The following ALCAM variants were observed in gnomAD, a reference collection of about 807,000 sequenced individuals.
ALCAM encodes activated leukocyte cell adhesion molecule, also known as CD166 antigen.
A neutral mutation model predicts 70.9 loss-of-function variants in ALCAM; 30 were observed. That is an observed-to-expected ratio of 0.42 (90% CI 0.32 to 0.57). The LOEUF is 0.57. Among genes scored for constraint, ALCAM ranks in the 20% least tolerant of loss-of-function variants. The probability of loss-of-function intolerance (pLI) is 0.11; values close to 1 mark genes in which losing one functional copy is unlikely to be tolerated. For synonymous variants in ALCAM, 249 were observed against 242.5 expected (o/e 1.03, Z -0.25); for missense variants, 591 against 695.1 (o/e 0.85, Z 1.68).
chr3:105,487,835 T>C (rs1576196062), intron 1 of ALCAM, among the ~76,000 whole-genome samples: 1 of 152,048 alleles, frequency 6.6e-6, no homozygotes, highest in Admixed American at 6.6e-5. Flanking sequence ...AGGTTGCTGG[T>C]TTAAGAAGAG....
intron 1 of ALCAM, among the ~76,000 whole-genome samples, chr3:105,375,591 A>G (rs957484766): frequency 1.3e-5 from 2 of 152,178 alleles, no homozygotes; most frequent in African/African-American, 4.8e-5. Flanking sequence ...CTCAGATGCC[A>G]AGGGAATAAT....
At chr3:105,470,164 T>C (rs1057436767) in intron 1 of ALCAM, among the ~76,000 whole-genome samples, 46 of 122,666 alleles carry the variant, frequency 3.8e-4, no homozygotes, top group Non-Finnish European at 7.7e-4. Flanking sequence ...CACACACACA[T>C]ATTAGCATGG....
chr3:105,464,445 A>G (rs1278345050), intron 1 of ALCAM, among the ~76,000 whole-genome samples: 1 of 151,258 alleles, frequency 6.6e-6, no homozygotes, highest in African/African-American at 2.4e-5. Context: ...CTCAGTCCAC[A>G]AAGAGATTGT....
chr3:105,487,535 A>C (rs1449121609), intron 1 of ALCAM, among the ~76,000 whole-genome samples: 1 of 152,214 alleles, frequency 6.6e-6, no homozygotes, highest in Non-Finnish European at 1.5e-5. Flanking sequence ...GAATAGAGAA[A>C]AAAAATGAAA....
At chr3:105,409,510 G>T (rs1483445831) in intron 1 of ALCAM, among the ~76,000 whole-genome samples, 1 of 151,972 alleles carries the variant, frequency 6.6e-6, no homozygotes, top group Admixed American at 6.6e-5. Flanking sequence ...AAGCTATAAG[G>T]GTGCAAAGGC....
intron 14 of ALCAM, among the ~76,000 whole-genome samples, chr3:105,564,266 G>A (rs74594570): frequency 3.3e-3 from 505 of 152,258 alleles, no homozygotes; most frequent in African/African-American, 0.011. Context: ...ATGTAAGAAG[G>A]TAACAAGCAT....
At position 105,367,492 on chromosome 3, in the gene ALCAM, G is replaced by A. The variant is rs1484945120; in HGVS notation, c.73+11G>A. ...CCGTCTTCAGGCCAGGTGAGCAAGG[G>A]CCTGGGAGCAGCCCCAGACAGACGT... On this transcript the variant is annotated intron_variant, in intron 1 of 15. Transcript: ENST00000306107. 4 of 1,613,934 alleles carry A rather than the reference G, an allele frequency of 2.5e-6. No individual in the cohort carries two copies. Among genetic ancestry groups the A allele is most frequent in the Admixed American group, 1.7e-5 (1 of 60,006 alleles).
At chr3:105,439,628 T>C (rs1171417890) in intron 1 of ALCAM, 1 of 152,216 alleles carries the variant, frequency 6.6e-6, no homozygotes, top group East Asian at 1.9e-4. Flanking sequence ...ATATGAAATT[T>C]TGAAGTTCTA....
At chr3:105,528,303 A>G (rs980363184) in intron 3 of ALCAM, among the ~76,000 whole-genome samples, 5 of 152,166 alleles carry the variant, frequency 3.3e-5, no homozygotes, top group African/African-American at 1.2e-4. Context: ...TTTGAAGGCT[A>G]ATGTTCATAG....
chr3:105,523,556 G>A (rs1939610209), intron 2 of ALCAM, among the ~76,000 whole-genome samples: 1 of 152,204 alleles, frequency 6.6e-6, no homozygotes, highest in East Asian at 1.9e-4. Flanking sequence ...TGCTTATTAG[G>A]TGAGAGAATT....
intron 1 of ALCAM, among the ~76,000 whole-genome samples, chr3:105,492,037 G>T (rs1435215206): frequency 6.6e-6 from 1 of 152,172 alleles, no homozygotes; most frequent in African/African-American, 2.4e-5. Flanking sequence ...AAGGAAAGAG[G>T]TTTAATGGAC....
At chr3:105,568,053 A>ATTTTTTTT (rs1175221243) in intron 14 of ALCAM, among the ~76,000 whole-genome samples, 1 of 101,934 alleles carries the variant, frequency 9.8e-6, no homozygotes, top group African/African-American at 3.7e-5. Context: ...TTATTATTTT[A>ATTTTTTTT]TTTTATTTTA....
At chr3:105,374,639 T>A (rs62262157) in intron 1 of ALCAM, among the ~76,000 whole-genome samples, 4,738 of 152,084 alleles carry the variant, frequency 0.031, 94 homozygotes, top group Middle Eastern at 0.051. Flanking sequence ...GCCTCAGCCT[T>A]CCAAGTAGCT....
intron 2 of ALCAM, among the ~76,000 whole-genome samples, chr3:105,521,738 G>A (rs1222638606): frequency 1.3e-5 from 2 of 152,156 alleles, no homozygotes; most frequent in Middle Eastern, 3.4e-3. Context: ...AAGTGAACTC[G>A]TGTCTGTGAT....
intron 1 of ALCAM, among the ~76,000 whole-genome samples, chr3:105,419,488 T>A (rs1418178605): frequency 1.3e-5 from 2 of 151,806 alleles, no homozygotes; most frequent in Non-Finnish European, 2.9e-5. Context: ...TAAACTGCAT[T>A]CACCTTGACA....
chr3:105,541,624 T>G lies in ALCAM; in HGVS notation c.859-9T>G. 6.2e-7 allele frequency: 1 copy of G among 1,610,744 alleles called. No homozygotes were observed. The highest frequency in any genetic ancestry group is 2.2e-5 in the East Asian group (1 of 44,766). ...GTATAATCATCTGACATTTTGCCTC[T>G]ATCAAAAGGGACAGCCCGAAGGAAT... On this transcript the variant is annotated splice_polypyrimidine_tract_variant and intron_variant, in intron 7 of 15. Transcript: ENST00000306107.
chr3:105,401,713 A>G (rs1025977620), intron 1 of ALCAM, among the ~76,000 whole-genome samples: 1 of 152,142 alleles, frequency 6.6e-6, no homozygotes, highest in Admixed American at 6.5e-5. Flanking sequence ...TGCCACCCCC[A>G]TAGTATAGCC....
At chr3:105,505,015 T>A (rs1178520481) in intron 1 of ALCAM, among the ~76,000 whole-genome samples, 1 of 152,222 alleles carries the variant, frequency 6.6e-6, no homozygotes, top group African/African-American at 2.4e-5. Context: ...AGAAGTCACC[T>A]AGCTTATTAG....
chr3:105,412,034 A>G (rs1290006207), intron 1 of ALCAM, among the ~76,000 whole-genome samples: 2 of 152,144 alleles, frequency 1.3e-5, no homozygotes, highest in Non-Finnish European at 2.9e-5. Flanking sequence ...AGGTTGCTGA[A>G]GGAGGAAATA....
Sources: gnomAD v4.1 joint callset for allele counts (sites outside exome capture counted in the v4.1 genomes callset) on GRCh38, gnomAD v4.1.1 for gene constraint, MANE v1.5 for transcripts, NCBI Gene and HGNC (gene_info 2026-07-23, HGNC 2026-07-21) for gene names.